Variants in RAD51B observed in about 807,000 individuals in gnomAD.
RAD51B encodes the protein RAD51 paralog B, also known as DNA repair protein RAD51 homolog 2.
Under a neutral mutation model 42.2 loss-of-function variants are expected in RAD51B, and 38 were observed. The ratio of observed to expected loss-of-function variants is 0.90; its 90% CI spans 0.70 to 1.18. The LOEUF (loss-of-function observed/expected upper bound fraction) is 1.18. RAD51B is among the 50% of genes most tolerant of loss of function. The pLI, the probability that RAD51B is intolerant of heterozygous loss-of-function variation, is 0.00. For synonymous variants in RAD51B, 154 were observed against 145.2 expected (o/e 1.06, Z -0.43); for missense variants, 373 against 400.7 (o/e 0.93, Z 0.59).
At chr14:67,907,291 T>C (rs890663231) in intron 7 of RAD51B, among the ~76,000 whole-genome samples, 1 of 152,132 alleles carries the variant, frequency 6.6e-6, no homozygotes, top group Admixed American at 6.6e-5. Context: ...GTTGGTATGC[T>C]CTTGTTTTTT....
chr14:68,306,590 T>C (rs758509616), intron 8 of RAD51B: 17 of 511,772 alleles, frequency 3.3e-5, no homozygotes, highest in Non-Finnish European at 5.1e-5. Context: ...CCAATTTGCA[T>C]TGGAAACCAC....
intron 8 of RAD51B, among the ~76,000 whole-genome samples, chr14:68,364,810 G>T (rs2083107119): frequency 6.6e-6 from 1 of 152,090 alleles, no homozygotes; most frequent in African/African-American, 2.4e-5. Flanking sequence ...AGAATCTTAT[G>T]TGTGTGTGTG....
At chr14:68,310,471 C>A (rs1480489901) in intron 8 of RAD51B, among the ~76,000 whole-genome samples, 2 of 152,134 alleles carry the variant, frequency 1.3e-5, no homozygotes, top group African/African-American at 4.8e-5. Context: ...TAGTGGAGAA[C>A]CCCATGCTGT....
intron 7 of RAD51B, among the ~76,000 whole-genome samples, chr14:68,220,586 A>G (rs1478577136): frequency 6.6e-6 from 1 of 152,184 alleles, no homozygotes; most frequent in Non-Finnish European, 1.5e-5. Context: ...CACCGCTTCT[A>G]TTCAACATAG....
rs1485462845 is a variant in RAD51B at position 68,584,929 on chromosome 14, G to A, written c.1037-9556G>A. Among the ~76,000 whole-genome samples, 6 of 152,310 alleles carry A rather than the reference G, an allele frequency of 3.9e-5. No homozygotes were observed. In the South Asian group the frequency reaches 8.3e-4, roughly 21 times the overall value. ...AGGTTGTTGTAACTTGCCAGGCAGA[G>A]CCCTCAGGGTTTGGCAGAGCTGGGC... On this transcript the variant is annotated intron_variant, in intron 10 of 10. Transcript: ENST00000487270.
At chr14:68,415,667 C>T (rs17755674) in intron 9 of RAD51B, among the ~76,000 whole-genome samples, 4 of 152,016 alleles carry the variant, frequency 2.6e-5, no homozygotes, top group South Asian at 4.2e-4. Flanking sequence ...GAGGAGTGGC[C>T]GAGGCCTTCA....
chr14:68,503,178 C>T (rs1258657064), intron 10 of RAD51B, among the ~76,000 whole-genome samples: 2 of 152,312 alleles, frequency 1.3e-5, no homozygotes, highest in Admixed American at 6.5e-5. Flanking sequence ...CTTCTCTCCT[C>T]CTTGGGAATG....
intron 1 of RAD51B, among the ~76,000 whole-genome samples, chr14:67,821,710 C>T (rs2040633585): frequency 1.3e-5 from 2 of 152,186 alleles, no homozygotes; most frequent in South Asian, 2.1e-4. Context: ...AATTTGCCTG[C>T]CTTAGCCTCC....
chr14:68,422,676 T>C (rs2084737709), intron 9 of RAD51B, among the ~76,000 whole-genome samples: 1 of 152,136 alleles, frequency 6.6e-6, no homozygotes, highest in Non-Finnish European at 1.5e-5. Context: ...TTTGACTTTA[T>C]GTTAGTCTGA....
chr14:68,291,895 G>A lies in RAD51B; in HGVS notation c.768G>A (p.Thr256=), dbSNP rs1021660617. The A allele has an allele frequency of 2.4e-5, 39 of 1,612,886 alleles. No homozygotes were observed. The highest frequency in any genetic ancestry group is 3.2e-5 in the Non-Finnish European group (38 of 1,179,076). ...CTGTCTGTTCACAGGTTATCTTGACGAATCAGATTACAACCCATCTGAGTG... is the reference window on the plus strand; with the variant it reads ...CTGTCTGTTCACAGGTTATCTTGACAAATCAGATTACAACCCATCTGAGTG... ...AEEFSIPVIL[T]NQITTHLSGA... is the part of the protein sequence containing the mutation. The change falls in exon 8 of 11, where the codon ACG becomes ACA. Residue 256 remains threonine (T), a synonymous_variant. Coordinates refer to ENST00000471583, the MANE Select transcript of RAD51B (RefSeq NM_133510.4).
At chr14:67,929,779 A>G (rs2044657616) in intron 7 of RAD51B, among the ~76,000 whole-genome samples, 1 of 151,352 alleles carries the variant, frequency 6.6e-6, no homozygotes. Flanking sequence ...TTATCATTAT[A>G]TAATGACCTT....
chr14:68,653,706 T>C (rs1271752909), intron 11 of RAD51B, among the ~76,000 whole-genome samples: 1 of 152,196 alleles, frequency 6.6e-6, no homozygotes, highest in Non-Finnish European at 1.5e-5. Context: ...TAGATAGATA[T>C]GCAAATGATC....
At chr14:68,237,076 C>T (rs1448288565) in intron 7 of RAD51B, among the ~76,000 whole-genome samples, 1 of 152,168 alleles carries the variant, frequency 6.6e-6, no homozygotes, top group Non-Finnish European at 1.5e-5. Flanking sequence ...AGTGATGTAT[C>T]TGTCTCAAAA....
At chr14:68,563,487 G>A in intron 10 of RAD51B, 1 of 985,424 alleles carries the variant, frequency 1.0e-6, no homozygotes, top group Non-Finnish European at 1.2e-6. Flanking sequence ...TGCAGGCTGG[G>A]GCTGAAGAAA....
At chr14:68,450,415 C>T (rs1180737567) in intron 9 of RAD51B, among the ~76,000 whole-genome samples, 9 of 152,020 alleles carry the variant, frequency 5.9e-5, no homozygotes, top group African/African-American at 1.9e-4. Context: ...GACGGGGTTT[C>T]GCCCTGTTGA....
chr14:67,929,057 G>A (rs1336931376), intron 7 of RAD51B, among the ~76,000 whole-genome samples: 1 of 151,848 alleles, frequency 6.6e-6, no homozygotes, highest in African/African-American at 2.4e-5. Flanking sequence ...AATGATCAAC[G>A]TTTTGTATTG....
At chr14:68,419,429 G>GA (rs34027518) in intron 9 of RAD51B, among the ~76,000 whole-genome samples, 70,143 of 148,084 alleles carry the variant, frequency 0.47, 16,870 homozygotes, top group African/African-American at 0.59. Context: ...AACTGTGCAG[G>GA]AAAAAAAAAA....
At chr14:67,924,166 T>A (rs1447965909) in intron 7 of RAD51B, among the ~76,000 whole-genome samples, 4 of 152,194 alleles carry the variant, frequency 2.6e-5, no homozygotes, top group African/African-American at 9.6e-5. Context: ...TATTTTCTCC[T>A]ATTTTATGGG....
chr14:68,298,596 A>C (rs1363470626), intron 8 of RAD51B, among the ~76,000 whole-genome samples: 2 of 152,218 alleles, frequency 1.3e-5, no homozygotes, highest in African/African-American at 2.4e-5. Context: ...TCAAATCTGC[A>C]CTGTTTCTGT....
Sources: gnomAD v4.1 joint callset for allele counts (sites outside exome capture counted in the v4.1 genomes callset) on GRCh38, gnomAD v4.1.1 for gene constraint, MANE v1.5 for transcripts, NCBI Gene and HGNC (gene_info 2026-07-23, HGNC 2026-07-21) for gene names.